The following CLIC5 variants were observed in gnomAD, a reference collection of about 807,000 sequenced individuals.
CLIC5 encodes the protein chloride intracellular channel protein 5.
Under a neutral mutation model 24.7 loss-of-function variants are expected in CLIC5, and 20 were observed. The ratio of observed to expected loss-of-function variants is 0.81; its 90% CI spans 0.57 to 1.18. The LOEUF is 1.18. CLIC5 is among the 50% of genes most tolerant of loss of function. The pLI is 0.00. For synonymous variants in CLIC5, 159 were observed against 135.6 expected (o/e 1.17, Z -1.20); for missense variants, 341 against 326.1 (o/e 1.05, Z -0.35).
At chr6:46,081,431 C>G (rs1762917820), upstream of CLIC5, among the ~76,000 whole-genome samples, 1 of 152,172 alleles carries the variant, frequency 6.6e-6, no homozygotes, top group Non-Finnish European at 1.5e-5. Context: ...CTTGGCAAAA[C>G]TTCGTTGTAC....
intron 5 of CLIC5, among the ~76,000 whole-genome samples, chr6:45,906,042 G>A (rs921411811): frequency 2.0e-5 from 3 of 152,020 alleles, no homozygotes; most frequent in Non-Finnish European, 4.4e-5. Context: ...TTTATTTCTG[G>A]GTTCTCTTTT....
chr6:45,912,019 G>C (rs1273722598), intron 5 of CLIC5: 1 of 985,604 alleles, frequency 1.0e-6, no homozygotes, highest in Non-Finnish European at 1.2e-6. Context: ...AGAGGAGAGT[G>C]AGCATGAAAG....
At chr6:46,013,664 G>A (rs906927057) in intron 1 of CLIC5, among the ~76,000 whole-genome samples, 1 of 152,176 alleles carries the variant, frequency 6.6e-6, no homozygotes, top group Non-Finnish European at 1.5e-5. Flanking sequence ...TAAATGGAGA[G>A]ACTCTCCAAC....
At chr6:46,005,830 T>C (rs1766532444) in intron 1 of CLIC5, among the ~76,000 whole-genome samples, 5 of 151,720 alleles carry the variant, frequency 3.3e-5, no homozygotes, top group Admixed American at 2.6e-4. Context: ...AACCACATTG[T>C]GGCCCTCACC....
intron 1 of CLIC5, among the ~76,000 whole-genome samples, chr6:46,066,203 C>A (rs769530352): frequency 6.6e-6 from 1 of 152,070 alleles, no homozygotes; most frequent in South Asian, 2.1e-4. Flanking sequence ...CTATTCAAAG[C>A]GGGGGCAGGG....
At chr6:45,999,304 T>A (rs893943294) in intron 1 of CLIC5, among the ~76,000 whole-genome samples, 4 of 152,104 alleles carry the variant, frequency 2.6e-5, no homozygotes, top group Admixed American at 2.0e-4. Flanking sequence ...TACTTGACAA[T>A]TGGTGAATAT....
the CLIC5 span, among the ~76,000 whole-genome samples, chr6:46,100,678 A>G: frequency 1.3e-5 from 2 of 152,214 alleles, no homozygotes; most frequent in Admixed American, 6.5e-5. Context: ...GAAATACATA[A>G]ATATAGTCAT....
chr6:46,027,897 G>A, intron 1 of CLIC5, among the ~76,000 whole-genome samples: 1 of 152,178 alleles, frequency 6.6e-6, no homozygotes, highest in Non-Finnish European at 1.5e-5. Context: ...TTGCATTGAA[G>A]TTCATTCCAT....
At chr6:46,126,901 A>C in the CLIC5 span, among the ~76,000 whole-genome samples, 1 of 152,230 alleles carries the variant, frequency 6.6e-6, no homozygotes, top group African/African-American at 2.4e-5. Context: ...GGAGTATAAA[A>C]GAGAAATAAT....
chr6:45,928,767 A>AGT (rs5875948), intron 4 of CLIC5, among the ~76,000 whole-genome samples: 76,985 of 143,914 alleles, frequency 0.53, 21,021 homozygotes, highest in East Asian at 0.77. Context: ...GAAGTGCATA[A>AGT]GTGTGTGTGT....
intron 1 of CLIC5, among the ~76,000 whole-genome samples, chr6:45,962,773 A>G (rs913449514): frequency 2.0e-5 from 3 of 152,340 alleles, no homozygotes; most frequent in East Asian, 1.9e-4. Flanking sequence ...CTAAGTGAGC[A>G]GGATCCAGTG....
At chr6:45,922,835 T>TAGAG (rs36124366) in intron 4 of CLIC5, among the ~76,000 whole-genome samples, 3,806 of 144,366 alleles carry the variant, frequency 0.026, 155 homozygotes, top group African/African-American at 0.089. Context: ...GAGAGAGAGA[T>TAGAG]AGAGAGAGAG....
the CLIC5 span, chr6:46,129,460 C>T: frequency 6.6e-6 from 1 of 152,242 alleles, no homozygotes; most frequent in African/African-American, 2.4e-5. Context: ...TGGTTCCCTG[C>T]CGCAGGCACT....
downstream of CLIC5, among the ~76,000 whole-genome samples, chr6:45,897,722 C>T (rs1762412897): frequency 6.6e-6 from 1 of 152,056 alleles, no homozygotes; most frequent in South Asian, 2.1e-4. Context: ...GGAACCTGAA[C>T]CCAGAGTCAG....
chr6:46,056,228 GT>G (rs1645038731), intron 1 of CLIC5, among the ~76,000 whole-genome samples: 1 of 152,114 alleles, frequency 6.6e-6, no homozygotes, highest in Admixed American at 6.6e-5. Flanking sequence ...CTTGTATGGT[GT>G]TTTTTGAGGG....
intron 1 of CLIC5, among the ~76,000 whole-genome samples, chr6:45,972,529 T>C (rs186846586): frequency 3.3e-5 from 5 of 152,350 alleles, no homozygotes; most frequent in Admixed American, 2.6e-4. Context: ...CTAAGAGGGA[T>C]AGTTTTCTTG....
intron 1 of CLIC5, among the ~76,000 whole-genome samples, chr6:46,065,004 C>G (rs1176697415): frequency 6.6e-6 from 1 of 152,088 alleles, no homozygotes; most frequent in African/African-American, 2.4e-5. Flanking sequence ...TCAGGCCATA[C>G]TTATAAACTA....
downstream of CLIC5, among the ~76,000 whole-genome samples, chr6:45,895,628 C>A (rs1205118023): frequency 2.0e-5 from 3 of 152,190 alleles, no homozygotes; most frequent in Non-Finnish European, 4.4e-5. Context: ...CAGTCAACCA[C>A]TAATAAATAC....
downstream of CLIC5, among the ~76,000 whole-genome samples, chr6:45,897,828 A>T (rs2127287440): frequency 6.6e-6 from 1 of 152,146 alleles, no homozygotes; most frequent in Admixed American, 6.5e-5. Context: ...TATTTTAAGG[A>T]ATTCTTTAAA....
Sources: gnomAD v4.1 joint callset for allele counts (sites outside exome capture counted in the v4.1 genomes callset) on GRCh38, gnomAD v4.1.1 for gene constraint, MANE v1.5 for transcripts, NCBI Gene and HGNC (gene_info 2026-07-23, HGNC 2026-07-21) for gene names.